The following GRIK2 variants were observed in gnomAD, a reference collection of about 807,000 sequenced individuals.
GRIK2 encodes glutamate ionotropic receptor kainate type subunit 2.
In GRIK2, 32 loss-of-function variants were observed where a neutral mutation model predicts 100.3. That is an observed-to-expected ratio of 0.32 (90% confidence interval 0.24 to 0.43). The LOEUF (loss-of-function observed/expected upper bound fraction) is 0.43, where lower values mean the gene tolerates loss of function less well. Ranked by LOEUF, GRIK2 falls within the 20% of genes least tolerant of loss-of-function variation. GRIK2 has a pLI of 1.00. For synonymous variants in GRIK2, 417 were observed against 389.4 expected, an observed-to-expected ratio of 1.07 and a Z score of -0.83; for missense variants, 843 against 1,114.9, an observed-to-expected ratio of 0.76 and a Z score of 3.47.
chr6:101,792,542 C>G (rs1186235530), intron 7 of GRIK2, among the ~76,000 whole-genome samples: 2 of 152,016 alleles, frequency 1.3e-5, no homozygotes, highest in African/African-American at 4.8e-5. Flanking sequence ...GGCCCCCACT[C>G]TCTTCTGGCT....
At position 101,456,131 on chromosome 6, in the gene GRIK2, T is replaced by A. The variant is rs542545705; in HGVS notation, c.115+56739T>A. Reference sequence around the variant, plus strand: ...AATTGGGACAGATTTTTTTTTTTTTTTAAAAAAAGAGAAGGATGCTGAAAG... The same window carrying A: ...AATTGGGACAGATTTTTTTTTTTTTATAAAAAAAGAGAAGGATGCTGAAAG... On this transcript the variant is annotated intron_variant, in intron 2 of 16. Transcript: ENST00000369134. 1.5e-3 allele frequency among the ~76,000 whole-genome samples: 225 copies of A among 150,700 alleles called. 1 individual carries two copies. Among genetic ancestry groups the A allele is most frequent in the African/African-American group, 4.3e-3 (178 of 41,158 alleles).
intron 2 of GRIK2, among the ~76,000 whole-genome samples, chr6:101,458,926 G>C (rs1264207214): frequency 8.5e-5 from 13 of 152,060 alleles, no homozygotes; most frequent in Non-Finnish European, 2.9e-5. Context: ...AACTGTGATT[G>C]AATCTTTTTT....
chr6:101,861,329 G>A (rs1294707913), intron 11 of GRIK2, among the ~76,000 whole-genome samples: 3 of 152,096 alleles, frequency 2.0e-5, no homozygotes, highest in Non-Finnish European at 4.4e-5. Flanking sequence ...TAAACATTTA[G>A]ATGGTATTAC....
chr6:101,513,590 A>C lies in GRIK2; in HGVS notation c.116-108359A>C, dbSNP rs115284920. On this transcript the variant is annotated intron_variant, in intron 2 of 16. Transcript: ENST00000369134. Reference sequence around the variant, plus strand: ...GTAAAATATTTTGATGTTCTTCTTTATCTTGTAATATTATGCCAGAGTCAG... The same window carrying C: ...GTAAAATATTTTGATGTTCTTCTTTCTCTTGTAATATTATGCCAGAGTCAG... 3.5e-3 allele frequency among the ~76,000 whole-genome samples: 540 copies of C among 152,240 alleles called. 4 individuals are homozygous for C. The highest frequency in any genetic ancestry group is 0.012 in the African/African-American group (515 of 41,564).
At chr6:101,566,630 A>C (rs1777289589) in intron 2 of GRIK2, among the ~76,000 whole-genome samples, 1 of 151,688 alleles carries the variant, frequency 6.6e-6, no homozygotes, top group South Asian at 2.1e-4. Flanking sequence ...CCAGTCTAAA[A>C]ATGAAAAAAT....
chr6:101,464,511 T>C (rs1312209025), intron 2 of GRIK2, among the ~76,000 whole-genome samples: 10 of 74,500 alleles, frequency 1.3e-4, no homozygotes, highest in South Asian at 6.0e-4. Flanking sequence ...TTTTTTTTTT[T>C]TTTTTTTTTT....
intron 11 of GRIK2, among the ~76,000 whole-genome samples, chr6:101,865,448 C>A (rs997971713): frequency 6.6e-5 from 10 of 152,238 alleles, no homozygotes; most frequent in Non-Finnish European, 1.2e-4. Flanking sequence ...AAAAAGGCTC[C>A]AGGTATTATC....
At chr6:101,681,625 C>A (rs549699099) in intron 5 of GRIK2, among the ~76,000 whole-genome samples, 65 of 152,044 alleles carry the variant, frequency 4.3e-4, no homozygotes, top group African/African-American at 1.5e-3. Context: ...TATAGTCAAC[C>A]TATTGTGCTA....
chr6:101,709,938 C>T (rs565134608), intron 7 of GRIK2, among the ~76,000 whole-genome samples: 20 of 151,762 alleles, frequency 1.3e-4, no homozygotes, highest in African/African-American at 4.6e-4. Context: ...AGGGGTTTGC[C>T]GTGCTGCTGA....
chr6:101,832,656 G>C (rs961711139), intron 10 of GRIK2, among the ~76,000 whole-genome samples: 3 of 152,108 alleles, frequency 2.0e-5, no homozygotes, highest in Non-Finnish European at 4.4e-5. Flanking sequence ...AAGAAAAACA[G>C]AAACTGAAGA....
intron 2 of GRIK2, among the ~76,000 whole-genome samples, chr6:101,435,250 T>A (rs1769646599): frequency 6.6e-6 from 1 of 152,152 alleles, no homozygotes; most frequent in African/African-American, 2.4e-5. Context: ...GAATAATCCT[T>A]ACCTTTGTCT....
Position 101,819,808 on chromosome 6 carries a change from GTC to G in GRIK2, c.1317+1327_1317+1328del, listed in dbSNP as rs370997638. Among the ~76,000 whole-genome samples the G allele has an allele frequency of 5.1e-3, 772 of 152,212 alleles. 8 individuals carry two copies. The highest frequency in any genetic ancestry group is 0.018 in the African/African-American group (732 of 41,532). On this transcript the variant is annotated intron_variant, in intron 10 of 16. Transcript: ENST00000369134. ...AGTGCACCCAAGTCCCACCATAAAA[GTC>G]TAATTCTGTTCCAGGCAAATGGTGA...
chr6:101,960,835 G>A (rs369605418), intron 14 of GRIK2, among the ~76,000 whole-genome samples: 6 of 152,108 alleles, frequency 3.9e-5, no homozygotes, highest in Non-Finnish European at 7.4e-5. Context: ...TGGTAGTTAC[G>A]GGTAACAGCT....
chr6:101,724,750 G>A (rs1774742945), intron 7 of GRIK2, among the ~76,000 whole-genome samples: 1 of 151,990 alleles, frequency 6.6e-6, no homozygotes, highest in Non-Finnish European at 1.5e-5. Flanking sequence ...TGGTTGGGGA[G>A]AGAATAAATA....
chr6:101,561,155 C>G (rs1209554949), intron 2 of GRIK2, among the ~76,000 whole-genome samples: 1 of 152,166 alleles, frequency 6.6e-6, no homozygotes, highest in African/African-American at 2.4e-5. Context: ...TCTTAGGAAG[C>G]TATGTGTTTG....
chr6:102,069,332 A>AATT lies in GRIK2; in HGVS notation c.*823_*824insTAT, dbSNP rs1772162999. On this transcript the variant is annotated 3_prime_UTR_variant, in exon 17 of 17. Transcript: ENST00000369134. ...TAATAATAATAATAATAATAATAAT[A>AATT]ATAATAAAAGCAGTTGGTTCAGTGA... The AATT allele has an allele frequency of 6.7e-6, 1 of 148,280 alleles. No homozygotes were observed. Among genetic ancestry groups the AATT allele is most frequent in the South Asian group, 2.1e-4 (1 of 4,788 alleles). 9.2% of individuals were successfully genotyped at this position (148,280 alleles called of 1,614,324 possible).
intron 7 of GRIK2, among the ~76,000 whole-genome samples, chr6:101,740,853 G>A (rs1775980268): frequency 6.6e-6 from 1 of 152,112 alleles, no homozygotes; most frequent in Non-Finnish European, 1.5e-5. Flanking sequence ...TTACTCATTA[G>A]CATGGGTAAA....
intron 10 of GRIK2, among the ~76,000 whole-genome samples, chr6:101,819,659 C>T (rs1781835647): frequency 6.6e-6 from 1 of 152,152 alleles, no homozygotes; most frequent in Non-Finnish European, 1.5e-5. Flanking sequence ...AATGTTCTCA[C>T]AGTACAATTA....
intron 7 of GRIK2, among the ~76,000 whole-genome samples, chr6:101,775,734 A>C (rs1778704724): frequency 6.6e-6 from 1 of 151,664 alleles, no homozygotes; most frequent in African/African-American, 2.4e-5. Flanking sequence ...GTGAAGATAC[A>C]GATTTCTTCA....
Sources: allele counts gnomAD v4.1 joint callset (sites outside exome capture counted in the v4.1 genomes callset), GRCh38; gene constraint gnomAD v4.1.1; transcripts MANE v1.5; gene names NCBI Gene and HGNC (gene_info 2026-07-23, HGNC 2026-07-21).